GGCX: variants seen among roughly 807,000 people sequenced by gnomAD.
GGCX encodes gamma-glutamyl carboxylase.
In GGCX, 63 loss-of-function variants were observed where a neutral mutation model predicts 88.5. The ratio of observed to expected loss-of-function variants is 0.71; its 90% CI spans 0.58 to 0.88. GGCX has a LOEUF of 0.88. Ranked by LOEUF, GGCX falls within the 40% of genes least tolerant of loss-of-function variation. The probability of loss-of-function intolerance (pLI) is 0.00; values close to 1 mark genes in which losing one functional copy is unlikely to be tolerated. For synonymous variants in GGCX, 368 were observed against 365.8 expected (o/e 1.01, Z -0.07); for missense variants, 805 against 932.9 (o/e 0.86, Z 1.79).
chr2:85,550,988 G>GCTC lies in GGCX; in HGVS notation c.1822_1824dup (p.Glu608dup), dbSNP rs1256984138. On this transcript the variant is annotated inframe_insertion, in exon 13 of 15. Transcript: ENST00000233838. Reference sequence around the variant, plus strand: ...TATGCCAGGTCTTGCTCCAGTGCAAGCTCTGTAGTGTTGACATAGACGTAC... The same window carrying GCTC: ...TATGCCAGGTCTTGCTCCAGTGCAAGCTCCTCTGTAGTGTTGACATAGACGTAC... 4 of 1,613,716 alleles carry GCTC rather than the reference G, an allele frequency of 2.5e-6. No individual in the cohort carries two copies. The Admixed American group carries it at 6.7e-5, about 27-fold the overall frequency.
At chr2:85,555,392 GCA>G in intron 6 of GGCX, 90 bp downstream of exon 6, 2 of 749,120 alleles carry the variant, frequency 2.7e-6, no homozygotes, top group Admixed American at 3.9e-5. Flanking sequence ...GCAAATTCAG[GCA>G]AAGTAGGAAC....
chr2:85,551,704 C>A, intron 11 of GGCX, 94 bp from the exon 12 acceptor site: 1 of 1,571,890 alleles, frequency 6.4e-7, no homozygotes, highest in Non-Finnish European at 8.8e-7. Flanking sequence ...CACCATCATC[C>A]CCTTAGGTTT....
At chr2:85,550,460 T>G in intron 14 of GGCX, 95 bp downstream of exon 14, 1 of 903,984 alleles carries the variant, frequency 1.1e-6, no homozygotes, top group Non-Finnish European at 1.8e-6. Flanking sequence ...AACTGTCCTT[T>G]CCTGTATGAC....
rs1204362660 is a variant in GGCX at position 85,561,404 on chromosome 2, G to T, written c.25C>A (p.Arg9=). Residue 9 remains arginine (R), a synonymous_variant, in exon 1 of 15, where the codon CGG becomes AGG. Coordinates refer to ENST00000233838, the MANE Select transcript of GGCX (RefSeq NM_000821.7). ...AGCCTACCTGAGCTGGGCGAGGTCC[G>T]CGCGGACCCGGCAGACACCGCCATT... MAVSAGSA[R]TSPSSDKVQK... is the part of the protein sequence containing the mutation. The T allele has an allele frequency of 1.3e-6, 2 of 1,570,654 alleles. No homozygotes were observed. The highest frequency in any genetic ancestry group is 1.7e-6 in the Non-Finnish European group (2 of 1,158,356).
Position 85,556,234 on chromosome 2 carries a change from T to C in GGCX, c.566A>G (p.His189Arg), listed in dbSNP as rs2103976915. ...AAGGGGCACGTGGGCATTCCTCCTA[T>C]GGGCATTCAGCAGACCGTCCACAGA... is the stretch of plus-strand genomic sequence containing the variant. ...YWSVDGLLNA[H>R]RRNAHVPLWN... The change falls in exon 5 of 15, where the codon CAT becomes CGT. Residue 189 changes from histidine to arginine, a missense_variant. Physicochemically the swap from His to Arg is conservative, Grantham distance 29. Coordinates refer to ENST00000233838, the MANE Select transcript of GGCX (RefSeq NM_000821.7). 4 of 1,612,770 alleles carry C rather than the reference T, an allele frequency of 2.5e-6. No individual in the cohort carries two copies. The highest frequency in any genetic ancestry group is 3.4e-6 in the Non-Finnish European group (4 of 1,178,766).
chr2:85,561,289 C>CCCCCCCCCGGGG, intron 1 of GGCX, 97 bp downstream of exon 1: 2 of 623,268 alleles, frequency 3.2e-6, no homozygotes, highest in Non-Finnish European at 5.7e-6. Flanking sequence ...ACCCCCCCCC[C>CCCCCCCCCGGGG]GCCTCACCGG....
At chr2:85,556,371 C>A in intron 4 of GGCX, 111 bp from the exon 5 acceptor site, 1 of 738,186 alleles carries the variant, frequency 1.4e-6, no homozygotes, top group Non-Finnish European at 2.5e-6. Context: ...CTCCCATATC[C>A]TCCCTGGTTA....
At chr2:85,554,006 C>T in intron 7 of GGCX, 137 bp downstream of exon 7, 1 of 753,072 alleles carries the variant, frequency 1.3e-6, no homozygotes, top group Non-Finnish European at 2.4e-6. Context: ...CCCATTTATG[C>T]CTACTTCATA....
At position 85,551,004 on chromosome 2, in the gene GGCX, A is replaced by G. The variant is rs1315250506; in HGVS notation, c.1809T>C (p.Tyr603=). 5 of 1,613,692 alleles carry G rather than the reference A, an allele frequency of 3.1e-6. No homozygotes were observed. Among genetic ancestry groups the G allele is most frequent in the Admixed American group, 1.7e-5 (1 of 60,026 alleles). Residue 603 remains tyrosine (Y), a synonymous_variant, in exon 13 of 15, where the codon TAT becomes TAC. Transcript: ENST00000233838. ...CCAGTGCAAGCTCTGTAGTGTTGAC[A>G]TAGACGTACATGTAGCAAGAAGGGC... The part of the protein sequence containing the change: ...SPSPSCYMYV[Y]VNTTELALEQ...
chr2:85,553,520 CA>C, intron 7 of GGCX, 23 bp from the exon 8 acceptor site: 1 of 1,612,352 alleles, frequency 6.2e-7, no homozygotes. Context: ...GGAGAAAATA[CA>C]TATTTCAGGA....
rs1048953453 is a variant in GGCX, at chr2:85,548,148, G to C, written c.*1786C>G. 13 of 152,154 alleles carry C rather than the reference G, an allele frequency of 8.5e-5. No individual in the cohort carries two copies. The highest frequency in any genetic ancestry group is 3.1e-4 in the African/African-American group (13 of 41,428). The allele number at this position is 152,154 out of a possible 1,614,324, so 9.4% of individuals were successfully genotyped here. A position where few individuals can be genotyped will look rare whatever the true frequency, so the allele number is the denominator to read the frequency against. On this transcript the variant is annotated 3_prime_UTR_variant, in exon 15 of 15. Coordinates refer to ENST00000233838, the MANE Select transcript of GGCX (RefSeq NM_000821.7). ...GGAGGTGGTGGCTGCAGTAAGCCAA[G>C]ATTGTGCCACTGAACTCCAGCCTGG...
In GGCX at chr2:85,559,088, T is replaced by C. The variant is rs749853640; in HGVS notation, c.215-13A>G. ...ACCATCAAGAACCCTAAGAAGGCAA[T>C]AGGGGAGTTGGTCATTGGGCCTCAG... On this transcript the variant is annotated splice_polypyrimidine_tract_variant and intron_variant, in intron 2 of 14. Coordinates refer to ENST00000233838, the MANE Select transcript of GGCX (RefSeq NM_000821.7). The C allele has an allele frequency of 6.2e-6, 10 of 1,613,220 alleles. No individual in the cohort carries two copies. The highest frequency in any genetic ancestry group is 8.5e-6 in the Non-Finnish European group (10 of 1,179,242).
chr2:85,553,006 G>C lies in GGCX; in HGVS notation c.1220C>G (p.Ser407Cys). 3 of 1,614,014 alleles carry C rather than the reference G, an allele frequency of 1.9e-6. No individual in the cohort carries two copies. Among genetic ancestry groups the C allele is most frequent in the Non-Finnish European group, 1.7e-6 (2 of 1,179,852 alleles). ...YSWDMMVHSR[S>C]HQHVKITYRD... The stretch of plus-strand genomic sequence containing the variant: ...GTAGGTGATCTTCACGTGCTGGTGG[G>C]AGCGGGAGTGCACCATCATGTCCCA... Residue 407 changes from serine to cysteine, a missense_variant, in exon 9 of 15, where the codon TCC becomes TGC. Transcript: ENST00000233838.
rs373452454 is a variant in GGCX at position 85,559,042 on chromosome 2, C to T, written c.248G>A (p.Arg83Gln). 1.7e-5 allele frequency: 28 copies of T among 1,613,966 alleles called. No individual in the cohort carries two copies. Among genetic ancestry groups the T allele is most frequent in the South Asian group, 4.4e-5 (4 of 91,084 alleles). The stretch of plus-strand genomic sequence containing the variant: ...TTTCCGGTCCAGAGAGCTGAGCCCC[C>T]GCTCCTGGGGAATGTCTAGCACCAT... ...FLMVLDIPQERGLSSLDRKYL... is the reference protein window; with the variant it reads ...FLMVLDIPQEQGLSSLDRKYL... The change falls in exon 3 of 15, where the codon CGG becomes CAG. Residue 83 changes from arginine to glutamine, a missense_variant. By Grantham distance (43) the Arg-to-Gln change is conservative. Coordinates refer to ENST00000233838, the MANE Select transcript of GGCX (RefSeq NM_000821.7).
intron 14 of GGCX, 52 bp from the exon 15 acceptor site, chr2:85,550,178 A>T: frequency 7.2e-7 from 1 of 1,387,840 alleles, no homozygotes. Flanking sequence ...TCACCAGAAG[A>T]ATTTCAGCTA....
At chr2:85,554,361 C>T in intron 6 of GGCX, 55 bp from the exon 7 acceptor site, 2 of 1,533,710 alleles carry the variant, frequency 1.3e-6, no homozygotes, top group Non-Finnish European at 1.8e-6. Context: ...CACATCAAAG[C>T]ACATTCACAG....
chr2:85,556,342 C>G, intron 4 of GGCX, 82 bp from the exon 5 acceptor site: 1 of 859,884 alleles, frequency 1.2e-6, no homozygotes, highest in Non-Finnish European at 2.0e-6. Flanking sequence ...CACGATAATC[C>G]TATCTATCCT....
In GGCX at chr2:85,552,947, T is replaced by G. The variant is rs1692026954; in HGVS notation, c.1279A>C (p.Asn427His). ...AGCATCAGACATCTCACCCCAGGGT[T>G]AAGGTAGCCCAGTTCGCCAGTGCGG... ...DGRTGELGYL[N>H]PGVFTQSRRW... Residue 427 changes from asparagine (N) to histidine (H), a missense_variant, in exon 9 of 15, where the codon AAC (asparagine) becomes CAC (histidine). By Grantham distance (68) the Asn-to-His change is moderately conservative. This residue lies in a region of GGCX where 680 missense variants were observed against 763.7 expected (regional missense o/e 0.89). Transcript: ENST00000233838. The G allele has an allele frequency of 3.1e-6, 5 of 1,614,200 alleles. No individual in the cohort carries two copies. The African/African-American group carries it at 4.0e-5, about 13-fold the overall frequency.
chr2:85,550,385 CAG>C, intron 14 of GGCX, among the ~76,000 whole-genome samples, 168 bp downstream of exon 14: 1 of 152,238 alleles, frequency 6.6e-6, no homozygotes, highest in East Asian at 1.9e-4. Context: ...AGCAGGCCAT[CAG>C]ATATAGGCCA....
Sources: allele counts gnomAD v4.1 joint callset (sites outside exome capture counted in the v4.1 genomes callset), GRCh38; gene constraint gnomAD v4.1.1; regional missense constraint gnomAD v4.1.1; transcripts MANE v1.5; gene names NCBI Gene and HGNC (gene_info 2026-07-23, HGNC 2026-07-21).